The following DRC11 variants were observed in gnomAD, a reference collection of about 807,000 sequenced individuals.
The protein encoded by DRC11 is IQ and AAA domain-containing protein 1.
the DRC11 span, among the ~76,000 whole-genome samples, chr2:236,499,230 T>C: frequency 6.6e-6 from 1 of 152,146 alleles, no homozygotes; most frequent in African/African-American, 2.4e-5. This position sits in a 1 kb window ranked among gnomAD's most constrained non-coding sequence, Gnocchi z 4.7. Context: ...GTACAAGTGA[T>C]TGGCGGCCTA....
the DRC11 span, among the ~76,000 whole-genome samples, chr2:236,343,503 C>T: frequency 6.6e-6 from 1 of 152,218 alleles, no homozygotes; most frequent in South Asian, 2.1e-4. This position sits in a 1 kb window ranked among gnomAD's most constrained non-coding sequence, Gnocchi z 6.6. Context: ...CTGTTCACTG[C>T]TGGCCTGAGT....
the DRC11 span, chr2:236,392,307 G>C: frequency 1.3e-6 from 2 of 1,599,690 alleles, no homozygotes; most frequent in African/African-American, 1.3e-5. The surrounding 1 kb of genome is among the most constrained non-coding windows in gnomAD (Gnocchi z 5.1). Context: ...CTGGATCATA[G>C]TCCTGAGAGA....
the DRC11 span, chr2:236,344,619 C>G: frequency 6.2e-7 from 1 of 1,613,696 alleles, no homozygotes; most frequent in Non-Finnish European, 8.5e-7. Context: ...ATCCACACCA[C>G]GGAGGGCTGG....
chr2:236,343,280 T>C, the DRC11 span, among the ~76,000 whole-genome samples: 1 of 152,140 alleles, frequency 6.6e-6, no homozygotes, highest in African/African-American at 2.4e-5. This position sits in a 1 kb window ranked among gnomAD's most constrained non-coding sequence, Gnocchi z 6.6. Context: ...AGGAGGAACA[T>C]TCCCGTTCCC....
At chr2:236,446,172 T>G in the DRC11 span, among the ~76,000 whole-genome samples, 1 of 152,336 alleles carries the variant, frequency 6.6e-6, no homozygotes, top group South Asian at 2.1e-4. This position sits in a 1 kb window ranked among gnomAD's most constrained non-coding sequence, Gnocchi z 6.2. Flanking sequence ...ACATCCCGAC[T>G]GAGCCTCCTC....
the DRC11 span, chr2:236,486,713 A>C: frequency 2.7e-6 from 2 of 733,978 alleles, no homozygotes; most frequent in East Asian, 5.4e-5. This position sits in a 1 kb window ranked among gnomAD's most constrained non-coding sequence, Gnocchi z 5.7. Flanking sequence ...ACTCCATTCC[A>C]TTAAATCATT....
chr2:236,487,887 C>A, the DRC11 span: 1 of 588,860 alleles, frequency 1.7e-6, no homozygotes, highest in Non-Finnish European at 2.7e-6. Flanking sequence ...TAATCTAGTT[C>A]TATTAAGGGT....
chr2:236,484,715 A>G, the DRC11 span, among the ~76,000 whole-genome samples: 1 of 152,156 alleles, frequency 6.6e-6, no homozygotes, highest in African/African-American at 2.4e-5. Context: ...CCTCAGTAGC[A>G]GTCCCTGAGA....
the DRC11 span, among the ~76,000 whole-genome samples, chr2:236,382,063 T>C: frequency 3.9e-5 from 6 of 152,210 alleles, no homozygotes; most frequent in Non-Finnish European, 7.3e-5. Context: ...CCCCAAAGTC[T>C]TCTCTTTTTG....
the DRC11 span, among the ~76,000 whole-genome samples, chr2:236,403,576 T>C: frequency 1.1e-4 from 16 of 152,296 alleles, no homozygotes; most frequent in South Asian, 2.7e-3. Flanking sequence ...AGCAGAATCA[T>C]AGTTTATGGC....
the DRC11 span, among the ~76,000 whole-genome samples, chr2:236,336,826 T>A: frequency 6.6e-6 from 1 of 152,182 alleles, no homozygotes; most frequent in African/African-American, 2.4e-5. The surrounding 1 kb of genome is among the most constrained non-coding windows in gnomAD (Gnocchi z 7.3). Flanking sequence ...CCCTGTGCAT[T>A]CACACCCGTG....
At chr2:236,367,880 C>A in the DRC11 span, 3 of 365,660 alleles carry the variant, frequency 8.2e-6, no homozygotes, top group East Asian at 7.0e-5. The surrounding 1 kb of genome is among the most constrained non-coding windows in gnomAD (Gnocchi z 4.8). Context: ...GTAGCCCTAG[C>A]CCGTTCTCTA....
chr2:236,357,521 TATATATTATGA>T, the DRC11 span, among the ~76,000 whole-genome samples: 12 of 125,790 alleles, frequency 9.5e-5, no homozygotes, highest in African/African-American at 3.9e-4. Flanking sequence ...TAAATATATT[TATATATTATGA>T]ATATAATTTA....
chr2:236,430,597 C>T, the DRC11 span, among the ~76,000 whole-genome samples: 188 of 152,294 alleles, frequency 1.2e-3, 2 homozygotes, highest in African/African-American at 4.2e-3. This position sits in a 1 kb window ranked among gnomAD's most constrained non-coding sequence, Gnocchi z 6.0. Flanking sequence ...GAGGTTATTT[C>T]TAATAGTAAT....
the DRC11 span, among the ~76,000 whole-genome samples, chr2:236,358,874 G>A: frequency 1.1e-4 from 17 of 149,380 alleles, no homozygotes; most frequent in South Asian, 2.1e-4. Context: ...GGGAAGCATC[G>A]GCTCCGCATG....
chr2:236,487,446 T>C, the DRC11 span, among the ~76,000 whole-genome samples: 12 of 152,294 alleles, frequency 7.9e-5, no homozygotes, highest in Admixed American at 2.0e-4. Context: ...TGAAACCTAA[T>C]GCTAGTTTAT....
the DRC11 span, among the ~76,000 whole-genome samples, chr2:236,374,099 T>C: frequency 3.9e-5 from 6 of 152,194 alleles, no homozygotes; most frequent in East Asian, 3.8e-4. Flanking sequence ...ACCTGGCCCA[T>C]TGCTCTCTGG....
the DRC11 span, chr2:236,493,694 C>T: frequency 8.2e-7 from 1 of 1,214,696 alleles, no homozygotes; most frequent in Non-Finnish European, 1.1e-6. Flanking sequence ...AAGTGTTGCT[C>T]ACACAATTAG....
the DRC11 span, among the ~76,000 whole-genome samples, chr2:236,356,899 G>GTATATTTATATATTATATATATTCATA: frequency 4.9e-4 from 62 of 127,260 alleles, no homozygotes; most frequent in Non-Finnish European, 6.6e-4. Context: ...TTTATAATAT[G>GTATATTTATATATTATATATATTCATA]TATATTTATA....
Sources: allele counts gnomAD v4.1 joint callset (sites outside exome capture counted in the v4.1 genomes callset), GRCh38; gene constraint gnomAD v4.1.1; non-coding constraint Gnocchi (gnomAD v3.1); transcripts MANE v1.5; gene names NCBI Gene and HGNC (gene_info 2026-07-23, HGNC 2026-07-21).